The following ZNF177 variants were observed in gnomAD, a reference collection of about 807,000 sequenced individuals.
The protein encoded by ZNF177 is zinc finger protein 177.
In ZNF177, 17 loss-of-function variants were observed where a neutral mutation model predicts 19.4. The observed-to-expected ratio is 0.87, with a 90% confidence interval of 0.60 to 1.31. The LOEUF is 1.31. Ranked by LOEUF, ZNF177 falls within the 40% of genes most tolerant of loss-of-function variation. The pLI, the probability that ZNF177 is intolerant of heterozygous loss-of-function variation, is 0.00. For synonymous variants in ZNF177, 220 were observed against 188.7 expected (o/e 1.17, Z -1.36); for missense variants, 633 against 561.8 (o/e 1.13, Z -1.28).
chr19:9,363,621 AG>A (rs2067937090), intron 1 of ZNF177, among the ~76,000 whole-genome samples: 1 of 152,164 alleles, frequency 6.6e-6, no homozygotes, highest in Non-Finnish European at 1.5e-5. Flanking sequence ...GTTGGGTCAA[AG>A]CATAAATGAA....
chr19:9,381,514 C>G (rs1441568205), exon 6 of ZNF177: 1 of 1,614,164 alleles, frequency 6.2e-7, no homozygotes, highest in Non-Finnish European at 8.5e-7. Context: ...TGGAGAGAAG[C>G]CTTATGAGTG....
At chr19:9,366,342 C>T (rs1252538435) in intron 2 of ZNF177, among the ~76,000 whole-genome samples, 1 of 152,082 alleles carries the variant, frequency 6.6e-6, no homozygotes, top group Non-Finnish European at 1.5e-5. Flanking sequence ...TGCCGTGGTG[C>T]CCTCGACCTC....
intron 2 of ZNF177, among the ~76,000 whole-genome samples, chr19:9,365,727 G>A (rs765381503): frequency 6.6e-6 from 1 of 152,058 alleles, no homozygotes; most frequent in Non-Finnish European, 1.5e-5. Context: ...GATAAAACAC[G>A]TCTCCTGTCT....
At chr19:9,365,484 C>A (rs569800379) in intron 2 of ZNF177, among the ~76,000 whole-genome samples, 153 of 151,744 alleles carry the variant, frequency 1.0e-3, no homozygotes, top group Non-Finnish European at 1.9e-3. Context: ...GGGTTCTTGA[C>A]CCCCAGAAAA....
upstream of ZNF177, among the ~76,000 whole-genome samples, chr19:9,375,035 G>A (rs2122530733): frequency 6.6e-6 from 1 of 152,078 alleles, no homozygotes; most frequent in East Asian, 1.9e-4. Flanking sequence ...ATTCGTTGAG[G>A]GTTTTTATCA....
chr19:9,377,831 C>T (rs2068132813), intron 1 of ZNF177, among the ~76,000 whole-genome samples: 1 of 151,664 alleles, frequency 6.6e-6, no homozygotes, highest in Non-Finnish European at 1.5e-5. Context: ...ATTAACTCAG[C>T]CCAACCCTAT....
intron 2 of ZNF177, among the ~76,000 whole-genome samples, chr19:9,366,711 T>C (rs899753776): frequency 6.6e-6 from 1 of 152,140 alleles, no homozygotes; most frequent in Non-Finnish European, 1.5e-5. Context: ...TACCTAGGAG[T>C]GGAATGCCTT....
exon 2 of ZNF177, chr19:9,364,879 CAAG>C (rs1024464168): frequency 6.6e-6 from 1 of 152,096 alleles, no homozygotes. Context: ...TATAAGTAAG[CAAG>C]AAGAGGGCCT....
intron 5 of ZNF177, among the ~76,000 whole-genome samples, 160 bp downstream of exon 7, chr19:9,380,299 G>A (rs1599395495): frequency 6.6e-6 from 1 of 152,166 alleles, no homozygotes. Flanking sequence ...TCATGAAATT[G>A]GAGAAATCTG....
chr19:9,373,883 A>G (rs2068078410), upstream of ZNF177, among the ~76,000 whole-genome samples: 1 of 151,116 alleles, frequency 6.6e-6, no homozygotes, highest in African/African-American at 2.4e-5. Flanking sequence ...TTTGTTCATT[A>G]TTTCCTTTGC....
exon 6 of ZNF177, chr19:9,381,738 G>A (rs201697712): frequency 1.2e-6 from 2 of 1,608,766 alleles, no homozygotes; most frequent in Non-Finnish European, 1.7e-6. Flanking sequence ...ACCTTATAAT[G>A]CACAAGCGAA....
In ZNF177 at chr19:9,379,815, A is replaced by G. The variant is rs559547260; in HGVS notation, c.253+196A>G. 36 of 559,466 alleles carry G rather than the reference A, an allele frequency of 6.4e-5. No homozygotes were observed. The African/African-American group carries it at 1.9e-3, about 30-fold the overall frequency. The allele number at this position is 559,466 out of a possible 1,614,324, so 34.7% of individuals were successfully genotyped here. On this transcript the variant is annotated intron_variant, in intron 4 of 5. Transcript: ENST00000589262. ...ATTCCTCTTTAAATGTAATGTCTCC[A>G]TGAATGCTTTTTGCCAGATAATACT...
chr19:9,368,359 T>C (rs1209941907), intron 2 of ZNF177, among the ~76,000 whole-genome samples: 1 of 152,140 alleles, frequency 6.6e-6, no homozygotes, highest in Non-Finnish European at 1.5e-5. Context: ...TTTTGGTAAG[T>C]TGTATTTCTG....
At chr19:9,374,849 G>A (rs554686269), upstream of ZNF177, among the ~76,000 whole-genome samples, 6 of 152,054 alleles carry the variant, frequency 3.9e-5, no homozygotes, top group South Asian at 2.1e-4. Flanking sequence ...GTTTTCTTGC[G>A]TAATTGTTCT....
intron 2 of ZNF177, among the ~76,000 whole-genome samples, chr19:9,370,326 T>C (rs1187711873): frequency 6.6e-6 from 1 of 152,076 alleles, no homozygotes; most frequent in Admixed American, 6.6e-5. Flanking sequence ...TAGATGCTAT[T>C]TTTTCCCTCC....
Position 9,380,142 on chromosome 19 carries a change from A to G in ZNF177, c.336+3A>G, listed in dbSNP as rs756152458. On this transcript the variant is annotated splice_donor_region_variant and intron_variant, in intron 5 of 5. Transcript: ENST00000589262. ...AAACATCCAATGGCATAAACACGGT[A>G]AGACTTACTAGGAAGTATTCCTGGT... 3.7e-6 allele frequency: 6 copies of G among 1,603,450 alleles called. No individual in the cohort carries two copies. The South Asian group carries it at 5.7e-5, about 15-fold the overall frequency.
chr19:9,381,641 C>G, exon 6 of ZNF177: 1 of 1,614,172 alleles, frequency 6.2e-7, no homozygotes, highest in East Asian at 2.2e-5. Context: ...AGGAATTCCT[C>G]TTGCCTGAGG....
rs1568385653 is a variant in ZNF177 at position 9,381,350 on chromosome 19, ATGACTG to A, written c.1021_1026del (p.Asp341_Cys342del). The A allele has an allele frequency of 5.0e-6, 8 of 1,614,040 alleles. No individual in the cohort carries two copies. The Admixed American group carries it at 1.3e-4, about 27-fold the overall frequency. ...AGAACTCACACTGGAGAGAAACCCTATGACTGTAAGGAATGTGGGAAGGCTTTCACT... is the reference window on the plus strand; with the variant it reads ...AGAACTCACACTGGAGAGAAACCCTATAAGGAATGTGGGAAGGCTTTCACT... On this transcript the variant is annotated inframe_deletion, in exon 6 of 6. Transcript: ENST00000589262.
rs145327420 is a variant in ZNF177 at position 9,370,989 on chromosome 19, A to G, written c.-304-621A>G. Among the ~76,000 whole-genome samples, 4 of 152,308 alleles carry G rather than the reference A, an allele frequency of 2.6e-5. No homozygotes were observed. The East Asian group carries it at 7.7e-4, about 29-fold the overall frequency. On this transcript the variant is annotated intron_variant, in intron 2 of 8. Coordinates refer to the ZNF177 transcript ENST00000343499. The stretch of plus-strand genomic sequence containing the variant: ...GCCTCATGTGGCTATTGAAGTTTAA[A>G]TGCTCATTTCAAGTATTCAGTAGCT...
Sources: gnomAD v4.1 joint callset for allele counts (sites outside exome capture counted in the v4.1 genomes callset) on GRCh38, gnomAD v4.1.1 for gene constraint, MANE v1.5 for transcripts, NCBI Gene and HGNC (gene_info 2026-07-23, HGNC 2026-07-21) for gene names.